The following CYP4B1 variants were observed in gnomAD, a reference collection of about 807,000 sequenced individuals.
CYP4B1 encodes cytochrome P450 4B1.
Under a neutral mutation model 54.0 loss-of-function variants are expected in CYP4B1, and 45 were observed. The observed-to-expected ratio is 0.83, with a 90% CI of 0.66 to 1.07. CYP4B1 has a LOEUF of 1.07. Ranked by LOEUF, CYP4B1 falls within the 50% of genes least tolerant of loss-of-function variation. The probability of loss-of-function intolerance (pLI) is 0.00; values close to 1 mark genes in which losing one functional copy is unlikely to be tolerated. For missense variants in CYP4B1, 656 were observed against 655.4 expected (o/e 1.00, Z -0.01); for synonymous variants, 248 against 247.5 (o/e 1.00, Z -0.02).
chr1:46,818,464 A>T (rs1013852501), intron 11 of CYP4B1, among the ~76,000 whole-genome samples, 167 bp from the exon 12 acceptor site: 4 of 152,064 alleles, frequency 2.6e-5, no homozygotes, highest in African/African-American at 4.8e-5. Flanking sequence ...CTGGTCTGGG[A>T]CCCTCACCAT....
intron 7 of CYP4B1, among the ~76,000 whole-genome samples, chr1:46,814,561 C>T (rs555010161): frequency 6.6e-6 from 1 of 152,168 alleles, no homozygotes; most frequent in South Asian, 2.1e-4. Flanking sequence ...TTCTAGACTT[C>T]TAAGATCCCC....
At chr1:46,813,758 G>C in intron 5 of CYP4B1, 151 bp from the exon 6 acceptor site, 1 of 1,419,228 alleles carries the variant, frequency 7.0e-7, no homozygotes, top group Non-Finnish European at 9.6e-7. Context: ...TCATGGTGGG[G>C]TAAACACCTG....
intron 4 of CYP4B1, 52 bp from the exon 5 acceptor site, chr1:46,813,430 A>G: frequency 1.2e-6 from 2 of 1,612,798 alleles, no homozygotes; most frequent in Non-Finnish European, 1.7e-6. Flanking sequence ...CATCCAGCCC[A>G]ACTAACCCCT....
chr1:46,806,257 A>G (rs1678855484), intron 1 of CYP4B1, among the ~76,000 whole-genome samples: 1 of 152,206 alleles, frequency 6.6e-6, no homozygotes, highest in African/African-American at 2.4e-5. Flanking sequence ...ATGCTGCCGA[A>G]AAGGAAACCC....
At chr1:46,809,259 A>G (rs528258404) in intron 1 of CYP4B1, among the ~76,000 whole-genome samples, 22 of 152,226 alleles carry the variant, frequency 1.4e-4, no homozygotes, top group African/African-American at 5.3e-4. Context: ...GAATGGCCCC[A>G]GGGCCATTCA....
rs1484018860 is a variant in CYP4B1, at chr1:46,817,085, A to G, written c.1111A>G (p.Ile371Val). The change falls in exon 9 of 12, where the codon ATC becomes GTC. Residue 371 changes from isoleucine to valine, a missense_variant. Ile to Val is a conservative substitution (Grantham distance 29). Transcript: ENST00000371923. ...CAAAATGACTTATCTGACCATGTGC[A>G]TCAAGGAGAGCTTCCGCCTCTACCC... is the stretch of plus-strand genomic sequence containing the variant. ...LGKMTYLTMC[I>V]KESFRLYPPV... The G allele has an allele frequency of 6.2e-7, 1 of 1,614,160 alleles. No homozygotes were observed. Among genetic ancestry groups the G allele is most frequent in the South Asian group, 1.1e-5 (1 of 91,082 alleles).
chr1:46,813,546 TG>T lies in CYP4B1; in HGVS notation c.562del (p.Ala188ArgfsTer2). On this transcript the variant is annotated frameshift_variant, in exon 5 of 12. Transcript: ENST00000371923. LOFTEE classifies it high-confidence loss of function. ...GACATCTTCTGCGATGTGGGTCACATGGCGCTGAACACACTCATGAAGTGCA... is the reference window on the plus strand; with the variant it reads ...GACATCTTCTGCGATGTGGGTCACATGCGCTGAACACACTCATGAAGTGCA... ...SFDIFCDVGH[M>X]ALNTLMKCTF... The T allele has an allele frequency of 1.2e-6, 2 of 1,614,212 alleles. No homozygotes were observed. Among genetic ancestry groups the T allele is most frequent in the Non-Finnish European group, 1.7e-6 (2 of 1,180,038 alleles).
At chr1:46,809,021 A>G (rs1678979082) in intron 1 of CYP4B1, among the ~76,000 whole-genome samples, 1 of 150,910 alleles carries the variant, frequency 6.6e-6, no homozygotes, top group South Asian at 2.1e-4. Context: ...ATAATGCTAG[A>G]TGACGAGTTA....
intron 1 of CYP4B1, among the ~76,000 whole-genome samples, 199 bp downstream of exon 1, chr1:46,799,460 G>T (rs993868716): frequency 6.6e-6 from 1 of 152,182 alleles, no homozygotes; most frequent in Non-Finnish European, 1.5e-5. Context: ...CTTCAGAAGT[G>T]GGGGCAACTT....
At chr1:46,802,849 C>A (rs536360890) in intron 1 of CYP4B1, among the ~76,000 whole-genome samples, 1 of 152,308 alleles carries the variant, frequency 6.6e-6, no homozygotes, top group African/African-American at 2.4e-5. Context: ...GGAGGTGATG[C>A]TGAGGCACAT....
chr1:46,800,244 TCCTTCC>T (rs748818801), intron 1 of CYP4B1, among the ~76,000 whole-genome samples: 1,443 of 79,204 alleles, frequency 0.018, 242 homozygotes, highest in East Asian at 0.051. Context: ...TTTCTTTCCT[TCCTTCC>T]TTCCTTCCTT....
rs773046536 is a variant in CYP4B1, at chr1:46,812,555, C to T, written c.427C>T (p.Pro143Ser). ...KWLQHRKLLT[P>S]GFHYDVLKPY... ...GTTGCAGCACCGCAAGCTGCTCACA[C>T]CTGGCTTTCATTATGATGTGCTGAA... The change falls in exon 4 of 12, where the codon CCT (proline) becomes TCT (serine). Residue 143 changes from proline (P) to serine (S), a missense_variant. Transcript: ENST00000371923. 2 of 1,614,074 alleles carry T rather than the reference C, an allele frequency of 1.2e-6. No homozygotes were observed. The highest frequency in any genetic ancestry group is 1.1e-5 in the South Asian group (1 of 91,076).
intron 8 of CYP4B1, 169 bp downstream of exon 8, chr1:46,815,433 A>G: frequency 1.8e-6 from 1 of 544,890 alleles, no homozygotes; most frequent in East Asian, 3.3e-5. Flanking sequence ...TTGGCTGGGC[A>G]CAGATGCACC....
At position 46,812,472 on chromosome 1, in the gene CYP4B1, C is replaced by G. The variant is rs916243017; in HGVS notation, c.368-24C>G. On this transcript the variant is annotated intron_variant, in intron 3 of 11. Coordinates refer to ENST00000371923, the MANE Select transcript of CYP4B1 (RefSeq NM_001099772.2). ...CTGCCAGGGCCTGGACTGACCAGCC[C>G]TCTCTCTCCCATCCCTTCCCCAGGG... 1.9e-6 allele frequency: 3 copies of G among 1,604,192 alleles called. No homozygotes were observed. The East Asian group carries it at 6.7e-5, about 36-fold the overall frequency.
chr1:46,800,502 T>G (rs921573756), intron 1 of CYP4B1, among the ~76,000 whole-genome samples: 3 of 151,930 alleles, frequency 2.0e-5, no homozygotes, highest in Non-Finnish European at 4.4e-5. Flanking sequence ...AGCTAATTTT[T>G]GCATTTTTGT....
chr1:46,815,099 A>G lies in CYP4B1; in HGVS notation c.908A>G (p.Asp303Gly), dbSNP rs1679281480. The G allele has an allele frequency of 5.6e-6, 9 of 1,614,196 alleles. No individual in the cohort carries two copies. The highest frequency in any genetic ancestry group is 7.6e-6 in the Non-Finnish European group (9 of 1,180,034). ...GATGAAGATGACATCAAACTGTCAGATGCAGACCTCCGGGCTGAAGTGGAC... is the reference window on the plus strand; with the variant it reads ...GATGAAGATGACATCAAACTGTCAGGTGCAGACCTCCGGGCTGAAGTGGAC... Reference protein sequence around the residue: ...ARDEDDIKLSDADLRAEVDTF... With the variant: ...ARDEDDIKLSGADLRAEVDTF... The change falls in exon 8 of 12, where the codon GAT becomes GGT. Residue 303 changes from aspartate to glycine, a missense_variant. Physicochemically the swap from Asp to Gly is moderately conservative, Grantham distance 94 (BLOSUM62 -1). Transcript: ENST00000371923.
At position 46,818,045 on chromosome 1, in the gene CYP4B1, G is replaced by T. The variant is rs1318638019; in HGVS notation, c.1272+16G>T. 1 of 1,613,956 alleles carries T rather than the reference G, an allele frequency of 6.2e-7. No homozygotes were observed. The highest frequency in any genetic ancestry group is 1.1e-5 in the South Asian group (1 of 91,078). On this transcript the variant is annotated intron_variant, in intron 10 of 11. Coordinates refer to ENST00000371923, the MANE Select transcript of CYP4B1 (RefSeq NM_001099772.2). ...CGACCCTGAGGTACCCTTTCCCTGGGCTGGGAGATCAGACAGGGTGGGGGA... is the reference window on the plus strand; with the variant it reads ...CGACCCTGAGGTACCCTTTCCCTGGTCTGGGAGATCAGACAGGGTGGGGGA...
chr1:46,811,263 C>T, intron 3 of CYP4B1, 79 bp downstream of exon 3: 3 of 1,442,824 alleles, frequency 2.1e-6, no homozygotes, highest in Non-Finnish European at 2.9e-6. Flanking sequence ...GCCTGTCCCA[C>T]TCAATTGGTT....
chr1:46,817,180 A>C lies in CYP4B1; in HGVS notation c.1206A>C (p.Ala402=), dbSNP rs747513045. The C allele has an allele frequency of 2.5e-6, 4 of 1,613,982 alleles. No homozygotes were observed. The African/African-American group carries it at 5.3e-5, about 22-fold the overall frequency. The part of the protein sequence containing the change: ...VTFVDGRSLP[A]GSLISMHIYA... ...TTGTGGATGGCCGGTCTCTACCTGCAGGTGGGATGGGTGGATTTGGGGGTG... is the reference window on the plus strand; with the variant it reads ...TTGTGGATGGCCGGTCTCTACCTGCCGGTGGGATGGGTGGATTTGGGGGTG... Residue 402 remains alanine (A), a splice_region_variant and synonymous_variant, in exon 9 of 12, where the codon GCA becomes GCC. Coordinates refer to ENST00000371923, the MANE Select transcript of CYP4B1 (RefSeq NM_001099772.2).
Sources: gnomAD v4.1 joint callset for allele counts (sites outside exome capture counted in the v4.1 genomes callset) on GRCh38, gnomAD v4.1.1 for gene constraint, MANE v1.5 for transcripts, NCBI Gene and HGNC (gene_info 2026-07-23, HGNC 2026-07-21) for gene names.